Variants in ZYG11A observed in about 807,000 individuals in gnomAD.
ZYG11A encodes protein zyg-11 homolog A.
ZYG11A carries 62 observed loss-of-function variants against 77.2 expected under a neutral mutation model. The observed-to-expected ratio is 0.80, with a 90% CI of 0.65 to 0.99. ZYG11A has a LOEUF of 0.99. ZYG11A is among the 50% of genes least tolerant of loss of function. The pLI is 0.00. For missense variants in ZYG11A, 828 were observed against 896.8 expected (o/e 0.92, Z 0.98); for synonymous variants, 315 against 324.6 (o/e 0.97, Z 0.32).
chr1:52,890,302 G>A (rs1440374895), intron 13 of ZYG11A, among the ~76,000 whole-genome samples: 13 of 136,210 alleles, frequency 9.5e-5, no homozygotes, highest in Non-Finnish European at 1.5e-4. Context: ...CCAGACTGGA[G>A]TGCAGTGGCG....
rs1571854011 is a variant in ZYG11A at position 52,864,080 on chromosome 1, G to A, written c.1249G>A (p.Gly417Arg). The A allele has an allele frequency of 6.4e-7, 1 of 1,551,914 alleles. No homozygotes were observed. Among genetic ancestry groups the A allele is most frequent in the African/African-American group, 1.4e-5 (1 of 73,178 alleles). ...LNLTRQGLAKGMPVRLLSEVT... is the reference protein window; with the variant it reads ...LNLTRQGLAKRMPVRLLSEVT... ...CCTAACACGCCAGGGCCTGGCCAAG[G>A]GGATGCCTGTTCGCCTGTTGTCAGA... The change falls in exon 5 of 14, where the codon GGG becomes AGG. Residue 417 changes from glycine (G) to arginine (R), a missense_variant. Coordinates refer to ENST00000371528, the MANE Select transcript of ZYG11A (RefSeq NM_001004339.3).
chr1:52,883,066 ATATC>A (rs1646387659), intron 11 of ZYG11A, among the ~76,000 whole-genome samples: 1 of 151,558 alleles, frequency 6.6e-6, no homozygotes, highest in Non-Finnish European at 1.5e-5. Flanking sequence ...TCATAGTTCT[ATATC>A]TATTTTTCTC....
intron 10 of ZYG11A, among the ~76,000 whole-genome samples, chr1:52,878,777 A>G (rs1399053325): frequency 6.6e-6 from 1 of 151,912 alleles, no homozygotes; most frequent in African/African-American, 2.4e-5. Context: ...TGTCTCTACT[A>G]AAAATACAAA....
At chr1:52,864,744 G>A (rs548383640) in intron 5 of ZYG11A, among the ~76,000 whole-genome samples, 6 of 151,722 alleles carry the variant, frequency 4.0e-5, no homozygotes, top group South Asian at 4.2e-4. Flanking sequence ...TCCTGGGTTC[G>A]TGCCATTCTC....
chr1:52,845,332 G>C (rs1645543340), intron 1 of ZYG11A, among the ~76,000 whole-genome samples: 1 of 144,638 alleles, frequency 6.9e-6, no homozygotes, highest in African/African-American at 2.6e-5. Flanking sequence ...TTGAGACGGA[G>C]CCTTGCTCTG....
chr1:52,870,480 A>G (rs1646135990), intron 8 of ZYG11A, among the ~76,000 whole-genome samples: 2 of 152,066 alleles, frequency 1.3e-5, no homozygotes, highest in Admixed American at 6.6e-5. Flanking sequence ...AGAGGCTGCA[A>G]TCTCGGCACT....
intron 1 of ZYG11A, among the ~76,000 whole-genome samples, chr1:52,853,066 A>G (rs1263734628): frequency 6.6e-6 from 1 of 152,218 alleles, no homozygotes; most frequent in Non-Finnish European, 1.5e-5. Context: ...TCTTCTAAGC[A>G]TTGGAGCCCA....
chr1:52,875,543 A>T (rs545963751), intron 8 of ZYG11A, among the ~76,000 whole-genome samples: 1 of 152,294 alleles, frequency 6.6e-6, no homozygotes, highest in South Asian at 2.1e-4. Context: ...ATTGGAGCAG[A>T]AGGGAAGGCA....
chr1:52,866,658 G>A, intron 6 of ZYG11A, 91 bp downstream of exon 6: 1 of 754,214 alleles, frequency 1.3e-6, no homozygotes, highest in Non-Finnish European at 2.2e-6. Context: ...GGTGTTTGGA[G>A]AGAAGGTTCT....
intron 1 of ZYG11A, among the ~76,000 whole-genome samples, chr1:52,847,702 G>C (rs1421297313): frequency 7.1e-6 from 1 of 141,708 alleles, no homozygotes; most frequent in Non-Finnish European, 1.5e-5. Context: ...ACGGAGTCTC[G>C]CTCTGTTTCC....
At chr1:52,869,398 G>T (rs984892327) in intron 8 of ZYG11A, among the ~76,000 whole-genome samples, 2 of 151,542 alleles carry the variant, frequency 1.3e-5, no homozygotes, top group East Asian at 3.9e-4. Context: ...GCGGCCTTCC[G>T]CAGTGTTTGT....
intron 4 of ZYG11A, 139 bp downstream of exon 4, chr1:52,861,010 A>G: frequency 1.2e-6 from 1 of 814,156 alleles, no homozygotes; most frequent in Non-Finnish European, 1.9e-6. Context: ...AAAGAATGTT[A>G]AGCTTAGCTG....
At position 52,882,192 on chromosome 1, in the gene ZYG11A, C is replaced by T. The variant is rs1014945106; in HGVS notation, c.1944+527C>T. On this transcript the variant is annotated intron_variant, in intron 11 of 13. Transcript: ENST00000371528. ...ACAGGCATGAGCCATCGCGCCTAGCCAACTTCCTTATTTCTAAATAACATA... is the reference window on the plus strand; with the variant it reads ...ACAGGCATGAGCCATCGCGCCTAGCTAACTTCCTTATTTCTAAATAACATA... Among the ~76,000 whole-genome samples the T allele has an allele frequency of 3.9e-5, 6 of 152,308 alleles. No individual in the cohort carries two copies. In the South Asian group the frequency reaches 1.2e-3, roughly 32 times the overall value.
intron 5 of ZYG11A, among the ~76,000 whole-genome samples, chr1:52,864,442 C>T (rs889902439): frequency 2.0e-5 from 3 of 152,102 alleles, no homozygotes; most frequent in Non-Finnish European, 2.9e-5. Context: ...GACGGGGTTT[C>T]ACCATGTTGG....
chr1:52,889,175 A>T lies in ZYG11A; in HGVS notation c.2104+2122A>T, dbSNP rs1646498210. 2.6e-5 allele frequency among the ~76,000 whole-genome samples: 4 copies of T among 152,096 alleles called. No homozygotes were observed. The South Asian group carries it at 8.3e-4, about 32-fold the overall frequency. The stretch of plus-strand genomic sequence containing the variant: ...TATTTTATTTTTGAGACAGGGTCTC[A>T]CTTCATTGCCAAGGCTGAAGTGCAG... On this transcript the variant is annotated intron_variant, in intron 13 of 13. Transcript: ENST00000371528.
intron 1 of ZYG11A, among the ~76,000 whole-genome samples, chr1:52,844,921 T>C (rs1433855676): frequency 6.6e-6 from 1 of 152,102 alleles, no homozygotes; most frequent in Non-Finnish European, 1.5e-5. Context: ...TACACAGTCA[T>C]ATTATTTTCT....
chr1:52,874,237 C>A lies in ZYG11A; in HGVS notation c.1543-3445C>A, dbSNP rs964552035. The stretch of plus-strand genomic sequence containing the variant: ...GGTTTAGCGTTTTTTAGCTCTCTCT[C>A]TCTATATATATATACATATTTTTTA... On this transcript the variant is annotated intron_variant, in intron 8 of 13. Transcript: ENST00000371528. Among the ~76,000 whole-genome samples the A allele has an allele frequency of 8.3e-5, 9 of 108,736 alleles. No individual in the cohort carries two copies. In the East Asian group the frequency reaches 9.7e-4, roughly 12 times the overall value. 71.3% of individuals were successfully genotyped at this position (108,736 alleles called of 152,430 possible). A position where few individuals can be genotyped will look rare whatever the true frequency, so the allele number is the denominator to read the frequency against.
rs552747411 is a variant in ZYG11A at position 52,864,243 on chromosome 1, C to T, written c.1326+86C>T. 9.9e-5 allele frequency: 134 copies of T among 1,351,900 alleles called. 2 individuals carry two copies. The South Asian group carries it at 1.8e-3, about 19-fold the overall frequency. 83.7% of individuals were successfully genotyped at this position (1,351,900 alleles called of 1,614,324 possible). On this transcript the variant is annotated intron_variant, in intron 5 of 13. Coordinates refer to ENST00000371528, the MANE Select transcript of ZYG11A (RefSeq NM_001004339.3). Reference sequence around the variant, plus strand: ...TTGCCCAGGCCAGAGTGCCGTGGCACAATTTGTTTTTGTTTTTTTAAAGAC... The same window carrying T: ...TTGCCCAGGCCAGAGTGCCGTGGCATAATTTGTTTTTGTTTTTTTAAAGAC...
chr1:52,861,393 G>T (rs1264783770), intron 4 of ZYG11A, among the ~76,000 whole-genome samples: 2 of 152,150 alleles, frequency 1.3e-5, no homozygotes, highest in African/African-American at 4.8e-5. Flanking sequence ...AAGGTCTTAA[G>T]AAAAACCTTG....
Sources: gnomAD v4.1 joint callset for allele counts (sites outside exome capture counted in the v4.1 genomes callset) on GRCh38, gnomAD v4.1.1 for gene constraint, MANE v1.5 for transcripts, NCBI Gene and HGNC (gene_info 2026-07-23, HGNC 2026-07-21) for gene names.